HMBOX1: variants seen among roughly 807,000 people sequenced by gnomAD.
HMBOX1 encodes the protein homeobox containing 1.
HMBOX1 carries 14 observed loss-of-function variants against 54.5 expected under a neutral mutation model. That is an observed-to-expected ratio of 0.26 (90% CI 0.17 to 0.40). The LOEUF (loss-of-function observed/expected upper bound fraction) is 0.40. Among genes scored for constraint, HMBOX1 ranks in the 10% least tolerant of loss-of-function variants. The probability of loss-of-function intolerance (pLI) is 1.00; values close to 1 mark genes in which losing one functional copy is unlikely to be tolerated. For synonymous variants in HMBOX1, 160 were observed against 181.0 expected (o/e 0.88, Z 0.93); for missense variants, 332 against 514.4 (o/e 0.65, Z 3.43).
chr8:28,979,823 G>T (rs1349227900), intron 3 of HMBOX1, among the ~76,000 whole-genome samples: 1 of 152,136 alleles, frequency 6.6e-6, no homozygotes, highest in East Asian at 1.9e-4. Context: ...CCATCCTCTG[G>T]TATGAGACAT....
At chr8:28,950,616 G>A (rs1823243892) in intron 1 of HMBOX1, among the ~76,000 whole-genome samples, 1 of 152,170 alleles carries the variant, frequency 6.6e-6, no homozygotes, top group Non-Finnish European at 1.5e-5. Context: ...CTCTGAAACA[G>A]TGAAGCCACA....
At chr8:28,902,289 T>G (rs1266857491) in intron 1 of HMBOX1, among the ~76,000 whole-genome samples, 4 of 152,154 alleles carry the variant, frequency 2.6e-5, no homozygotes, top group Non-Finnish European at 5.9e-5. Flanking sequence ...GACACAGCAA[T>G]CTATCTAGTA....
At position 28,910,727 on chromosome 8, in the gene HMBOX1, T is replaced by C. The variant is rs1432496212; in HGVS notation, c.-58+20049T>C. ...ATCTTATAGTTGGGTTGTCATCATATTGAACTGTAAGAATTCTGTATGTAT... is the reference window on the plus strand; with the variant it reads ...ATCTTATAGTTGGGTTGTCATCATACTGAACTGTAAGAATTCTGTATGTAT... On this transcript the variant is annotated intron_variant, in intron 1 of 9. Transcript: ENST00000287701. 2.0e-5 allele frequency among the ~76,000 whole-genome samples: 3 copies of C among 152,236 alleles called. No homozygotes were observed. In the East Asian group the frequency reaches 5.8e-4, roughly 29 times the overall value.
chr8:28,965,426 T>C (rs541838989), intron 2 of HMBOX1, among the ~76,000 whole-genome samples: 30 of 152,320 alleles, frequency 2.0e-4, no homozygotes, highest in African/African-American at 7.0e-4. Flanking sequence ...GAGAGTAACA[T>C]AGACAGACTT....
intron 1 of HMBOX1, among the ~76,000 whole-genome samples, chr8:28,904,052 A>G (rs1435051278): frequency 6.6e-6 from 1 of 152,128 alleles, no homozygotes; most frequent in Non-Finnish European, 1.5e-5. Flanking sequence ...ACTGGGATTG[A>G]GAAACTCTGA....
intron 1 of HMBOX1, among the ~76,000 whole-genome samples, chr8:28,959,860 A>G (rs1377215672): frequency 6.6e-6 from 1 of 151,970 alleles, no homozygotes; most frequent in Non-Finnish European, 1.5e-5. Flanking sequence ...TTTTTGGTCA[A>G]TTTTGATATA....
chr8:28,993,724 G>T (rs1386807150), intron 4 of HMBOX1, among the ~76,000 whole-genome samples: 1 of 152,042 alleles, frequency 6.6e-6, no homozygotes, highest in Non-Finnish European at 1.5e-5. Context: ...ATCTGTACCG[G>T]CCAGATTCAA....
intron 4 of HMBOX1, among the ~76,000 whole-genome samples, chr8:28,994,912 G>C (rs1424897243): frequency 2.0e-5 from 3 of 152,118 alleles, no homozygotes; most frequent in Non-Finnish European, 1.5e-5. Flanking sequence ...GATCAGGGGG[G>C]ATTTTTGCCC....
rs146559483 is a variant in HMBOX1, at chr8:28,980,993, C to G, written c.586+837C>G. Among the ~76,000 whole-genome samples, 11 of 152,258 alleles carry G rather than the reference C, an allele frequency of 7.2e-5. 1 individual carries two copies. In the South Asian group the frequency reaches 1.7e-3, roughly 23 times the overall value. ...TATGTGAATTTGGGCTTTTTAGCCTCTGTGCCTCAGTTTTCTTCCTGCTAC... is the reference window on the plus strand; with the variant it reads ...TATGTGAATTTGGGCTTTTTAGCCTGTGTGCCTCAGTTTTCTTCCTGCTAC... On this transcript the variant is annotated intron_variant, in intron 4 of 9. Transcript: ENST00000287701.
chr8:28,933,012 T>C lies in HMBOX1; in HGVS notation c.-57-30799T>C, dbSNP rs376131617. 5.9e-5 allele frequency among the ~76,000 whole-genome samples: 9 copies of C among 152,304 alleles called. No individual in the cohort carries two copies. The East Asian group carries it at 1.2e-3, about 20-fold the overall frequency. ...GCTCAAGATTTATAGTCAAAAGTCATATAACCTCATTTTTGTCACATTCTG... is the reference window on the plus strand; with the variant it reads ...GCTCAAGATTTATAGTCAAAAGTCACATAACCTCATTTTTGTCACATTCTG... On this transcript the variant is annotated intron_variant, in intron 1 of 9. Coordinates refer to ENST00000287701, the MANE Select transcript of HMBOX1 (RefSeq NM_001135726.3).
chr8:29,023,365 T>C (rs1801494296), intron 6 of HMBOX1, among the ~76,000 whole-genome samples: 1 of 152,210 alleles, frequency 6.6e-6, no homozygotes, highest in African/African-American at 2.4e-5. Context: ...CACAGAATTA[T>C]GCAACCATAA....
intron 1 of HMBOX1, among the ~76,000 whole-genome samples, chr8:28,908,022 T>C (rs1428284620): frequency 1.3e-5 from 2 of 152,084 alleles, no homozygotes; most frequent in Non-Finnish European, 1.5e-5. Context: ...ATGGCTAGTT[T>C]TTGTATTTTT....
chr8:28,995,331 A>C (rs1831649258), intron 4 of HMBOX1, among the ~76,000 whole-genome samples: 1 of 152,230 alleles, frequency 6.6e-6, no homozygotes, highest in South Asian at 2.1e-4. Context: ...CACCCATGTT[A>C]TAGCATGCAT....
intron 6 of HMBOX1, among the ~76,000 whole-genome samples, chr8:29,043,664 A>G (rs1212677299): frequency 6.6e-6 from 1 of 152,200 alleles, no homozygotes; most frequent in African/African-American, 2.4e-5. Flanking sequence ...AATCTTGTTA[A>G]AATTCAGATT....
intron 4 of HMBOX1, among the ~76,000 whole-genome samples, chr8:28,988,121 G>C (rs1830426287): frequency 6.6e-6 from 1 of 152,128 alleles, no homozygotes; most frequent in Non-Finnish European, 1.5e-5. Flanking sequence ...CCATTCATCT[G>C]CATTCCTTCA....
intron 1 of HMBOX1, among the ~76,000 whole-genome samples, chr8:28,960,778 T>TGGAGACGGAGTC (rs1825409203): frequency 3.4e-5 from 2 of 58,768 alleles, no homozygotes; most frequent in Non-Finnish European, 7.3e-5. Flanking sequence ...TTTTTTTTTT[T>TGGAGACGGAGTC]TTTTTTTTTT....
At chr8:28,981,275 A>G (rs772857582) in intron 4 of HMBOX1, among the ~76,000 whole-genome samples, 2 of 152,216 alleles carry the variant, frequency 1.3e-5, no homozygotes, top group Non-Finnish European at 2.9e-5. Flanking sequence ...ACTTCTGCTT[A>G]TGGTAAAATA....
intron 4 of HMBOX1, among the ~76,000 whole-genome samples, chr8:28,999,956 C>T (rs1448132972): frequency 6.6e-6 from 1 of 152,106 alleles, no homozygotes; most frequent in African/African-American, 2.4e-5. Context: ...TTGCATGTCT[C>T]ATAAGTTTTG....
intron 2 of HMBOX1, among the ~76,000 whole-genome samples, chr8:28,966,575 G>A (rs565652637): frequency 7.2e-5 from 11 of 152,250 alleles, no homozygotes; most frequent in African/African-American, 2.4e-4. Flanking sequence ...CCATAAATTC[G>A]TGATTATATG....
Sources: gnomAD v4.1 joint callset for allele counts (sites outside exome capture counted in the v4.1 genomes callset) on GRCh38, gnomAD v4.1.1 for gene constraint, MANE v1.5 for transcripts, NCBI Gene and HGNC (gene_info 2026-07-23, HGNC 2026-07-21) for gene names.